IGF2BP2: variants seen among roughly 807,000 people sequenced by gnomAD.
IGF2BP2 encodes the protein insulin like growth factor 2 mRNA binding protein 2.
In IGF2BP2, 17 loss-of-function variants were observed where a neutral mutation model predicts 75.8. The ratio of observed to expected loss-of-function variants is 0.22; its 90% CI spans 0.15 to 0.34. The LOEUF (loss-of-function observed/expected upper bound fraction) is 0.34, where lower values mean the gene tolerates loss of function less well. IGF2BP2 is among the 10% of genes least tolerant of loss of function. The pLI, the probability that IGF2BP2 is intolerant of heterozygous loss-of-function variation, is 1.00. For missense variants in IGF2BP2, 516 were observed against 772.4 expected, an observed-to-expected ratio of 0.67 and a Z score of 3.93; for synonymous variants, 288 against 295.6, an observed-to-expected ratio of 0.97 and a Z score of 0.26.
At chr3:185,802,068 G>T (rs1382860384) in intron 2 of IGF2BP2, among the ~76,000 whole-genome samples, 1 of 151,932 alleles carries the variant, frequency 6.6e-6, no homozygotes, top group Non-Finnish European at 1.5e-5. Context: ...ATCCATGTGG[G>T]GATTAAAACC....
At chr3:185,733,481 G>A (rs1728449053) in intron 2 of IGF2BP2, among the ~76,000 whole-genome samples, 1 of 152,204 alleles carries the variant, frequency 6.6e-6, no homozygotes, top group Admixed American at 6.5e-5. Context: ...GCCAGACTGG[G>A]CGCGGTGGCT....
intron 5 of IGF2BP2, among the ~76,000 whole-genome samples, chr3:185,690,698 T>C (rs573214445): frequency 2.9e-4 from 44 of 152,226 alleles, no homozygotes; most frequent in Non-Finnish European, 6.0e-4. Context: ...GCCCCTGGAA[T>C]GGTTTCAACA....
At chr3:185,744,625 TG>T (rs1031655841) in intron 2 of IGF2BP2, among the ~76,000 whole-genome samples, 1 of 152,136 alleles carries the variant, frequency 6.6e-6, no homozygotes, top group African/African-American at 2.4e-5. Flanking sequence ...CTGGCCAACA[TG>T]GTGAAACCCC....
intron 2 of IGF2BP2, among the ~76,000 whole-genome samples, chr3:185,811,588 GGCCCTACATTTC>G (rs1739834461): frequency 6.6e-6 from 1 of 152,124 alleles, no homozygotes; most frequent in South Asian, 2.1e-4. Flanking sequence ...TGGGAACACT[GGCCCTACATTTC>G]CAAATGGCAG....
chr3:185,750,647 G>A (rs1730841262), intron 2 of IGF2BP2, among the ~76,000 whole-genome samples: 1 of 152,196 alleles, frequency 6.6e-6, no homozygotes, highest in Admixed American at 6.5e-5. Context: ...AAGATGTCAA[G>A]ACAAGACAGA....
chr3:185,648,281 G>A (rs1713950056), intron 14 of IGF2BP2, among the ~76,000 whole-genome samples: 2 of 151,982 alleles, frequency 1.3e-5, no homozygotes, highest in South Asian at 4.2e-4. Flanking sequence ...GACCAAAATG[G>A]TGAAACCCCG....
At chr3:185,733,067 T>C (rs1240964781) in intron 2 of IGF2BP2, among the ~76,000 whole-genome samples, 1 of 152,150 alleles carries the variant, frequency 6.6e-6, no homozygotes, top group Non-Finnish European at 1.5e-5. Context: ...ATCTAGGAAC[T>C]AGGGGAGGAT....
At chr3:185,782,185 T>G (rs956393669) in intron 2 of IGF2BP2, among the ~76,000 whole-genome samples, 3 of 152,156 alleles carry the variant, frequency 2.0e-5, no homozygotes, top group Admixed American at 6.5e-5. Flanking sequence ...TGAGTACTGC[T>G]AAAAACACCC....
chr3:185,715,175 G>C (rs968446928), intron 2 of IGF2BP2, among the ~76,000 whole-genome samples: 6 of 152,190 alleles, frequency 3.9e-5, no homozygotes, highest in Admixed American at 3.3e-4. Flanking sequence ...AGAGCATAGA[G>C]GGGTCGGGAA....
intron 5 of IGF2BP2, among the ~76,000 whole-genome samples, chr3:185,691,507 T>A (rs148405020): frequency 2.0e-5 from 3 of 152,208 alleles, no homozygotes; most frequent in Non-Finnish European, 2.9e-5. Flanking sequence ...CTGGGATATA[T>A]AGCCAAGGTT....
At chr3:185,670,723 C>T (rs1201365067) in intron 10 of IGF2BP2, among the ~76,000 whole-genome samples, 1 of 151,872 alleles carries the variant, frequency 6.6e-6, no homozygotes, top group Admixed American at 6.6e-5. Context: ...GCGTGCACCA[C>T]CACACCTGGC....
At chr3:185,757,812 G>C (rs1487855504) in intron 2 of IGF2BP2, among the ~76,000 whole-genome samples, 1 of 152,132 alleles carries the variant, frequency 6.6e-6, no homozygotes, top group East Asian at 1.9e-4. Flanking sequence ...TCCTAGTATA[G>C]TGCCAGGCAC....
intron 2 of IGF2BP2, among the ~76,000 whole-genome samples, chr3:185,709,744 C>T (rs1420554605): frequency 6.6e-6 from 1 of 152,156 alleles, no homozygotes; most frequent in Non-Finnish European, 1.5e-5. Flanking sequence ...CTTGCTCCTC[C>T]CTCAAAGAGG....
chr3:185,803,863 C>T (rs936297006), intron 2 of IGF2BP2, among the ~76,000 whole-genome samples: 1 of 152,230 alleles, frequency 6.6e-6, no homozygotes, highest in Non-Finnish European at 1.5e-5. Flanking sequence ...GTGGCTCATG[C>T]CTGTAATCCC....
intron 10 of IGF2BP2, among the ~76,000 whole-genome samples, chr3:185,658,681 AG>A (rs1715880868): frequency 6.6e-6 from 1 of 152,212 alleles, no homozygotes; most frequent in South Asian, 2.1e-4. Flanking sequence ...GAGGCGTCCT[AG>A]GAACATACCA....
chr3:185,819,315 T>G (rs1741029966), intron 2 of IGF2BP2, among the ~76,000 whole-genome samples: 1 of 152,118 alleles, frequency 6.6e-6, no homozygotes, highest in Non-Finnish European at 1.5e-5. Flanking sequence ...TTTAAAATTT[T>G]TATGTATTTG....
At chr3:185,745,668 C>T (rs1730160317) in intron 2 of IGF2BP2, among the ~76,000 whole-genome samples, 1 of 152,196 alleles carries the variant, frequency 6.6e-6, no homozygotes, top group Admixed American at 6.5e-5. Context: ...CTTCTATTCA[C>T]TGAAGCAGGA....
intron 2 of IGF2BP2, among the ~76,000 whole-genome samples, chr3:185,709,994 T>C (rs1442324371): frequency 1.3e-5 from 2 of 152,304 alleles, no homozygotes; most frequent in Middle Eastern, 3.4e-3. Context: ...CATTATAGGC[T>C]AAGCACTTAT....
chr3:185,725,832 T>G (rs1560365400), intron 2 of IGF2BP2, among the ~76,000 whole-genome samples: 1 of 152,128 alleles, frequency 6.6e-6, no homozygotes, highest in Non-Finnish European at 1.5e-5. Flanking sequence ...AAAAAATTAG[T>G]CGGGCATGTG....
Sources: allele counts gnomAD v4.1 joint callset (sites outside exome capture counted in the v4.1 genomes callset), GRCh38; gene constraint gnomAD v4.1.1; transcripts MANE v1.5; gene names NCBI Gene and HGNC (gene_info 2026-07-23, HGNC 2026-07-21).